P3H1: variants seen among roughly 807,000 people sequenced by gnomAD.
P3H1 encodes the protein growth suppressor 1.
A neutral mutation model predicts 84.0 loss-of-function variants in P3H1; 69 were observed. That is an observed-to-expected ratio of 0.82 (90% CI 0.68 to 1.00). P3H1 has a LOEUF of 1.00. P3H1 is among the 50% of genes least tolerant of loss of function. P3H1 has a pLI of 0.00. For missense variants in P3H1, 878 were observed against 962.8 expected, an observed-to-expected ratio of 0.91 and a Z score of 1.17; for synonymous variants, 366 against 388.8, an observed-to-expected ratio of 0.94 and a Z score of 0.69.
At chr1:42,758,708 C>T in intron 4 of P3H1, 144 bp downstream of exon 4, 1 of 1,007,036 alleles carries the variant, frequency 9.9e-7, no homozygotes, top group Non-Finnish European at 1.5e-6. Flanking sequence ...AACAAACTAC[C>T]CAGGGATCAC....
intron 8 of P3H1, among the ~76,000 whole-genome samples, chr1:42,753,592 A>C (rs1425264729): frequency 6.6e-6 from 1 of 152,164 alleles, no homozygotes; most frequent in Non-Finnish European, 1.5e-5. Context: ...AAGAAGTTCA[A>C]AAGAAAGGAG....
At chr1:42,747,156 C>G in intron 14 of P3H1, 116 bp downstream of exon 14, 1 of 1,614,216 alleles carries the variant, frequency 6.2e-7, no homozygotes, top group Non-Finnish European at 8.5e-7. Flanking sequence ...CCAAGTGCTC[C>G]TTTCGTGTCT....
Position 42,750,339 on chromosome 1 carries a change from G to A in P3H1, c.1570-3C>T. On this transcript the variant is annotated splice_polypyrimidine_tract_variant and splice_region_variant and intron_variant, in intron 10 of 14. Coordinates refer to ENST00000296388, the MANE Select transcript of P3H1 (RefSeq NM_022356.4). ...GGAACTTTGCCTTCTTGCCCCAGCTGCCAAGGAGACAGATGGTCAGCTGCC... is the reference window on the plus strand; with the variant it reads ...GGAACTTTGCCTTCTTGCCCCAGCTACCAAGGAGACAGATGGTCAGCTGCC... 1 of 1,614,030 alleles carries A rather than the reference G, an allele frequency of 6.2e-7. No homozygotes were observed. The highest frequency in any genetic ancestry group is 8.5e-7 in the Non-Finnish European group (1 of 1,179,994).
rs1332658235 is a variant in P3H1, at chr1:42,750,314, G to A, written c.1592C>T (p.Pro531Leu). ...ALKLGQEGKV[P>L]LQSAHLYYNV... The stretch of plus-strand genomic sequence containing the variant: ...GTAGTACAGGTGGGCACTCTGCAGA[G>A]GAACTTTGCCTTCTTGCCCCAGCTG... The change falls in exon 11 of 15, where the codon CCT (proline) becomes CTT (leucine). Residue 531 changes from proline to leucine, a missense_variant. Transcript: ENST00000296388. The A allele has an allele frequency of 1.9e-6, 3 of 1,614,084 alleles. No individual in the cohort carries two copies. In the South Asian group the frequency reaches 3.3e-5, roughly 18 times the overall value.
At chr1:42,750,720 C>T (rs1652010797) in intron 10 of P3H1, among the ~76,000 whole-genome samples, 2 of 122,282 alleles carry the variant, frequency 1.6e-5, no homozygotes, top group Admixed American at 7.7e-5. Context: ...CCCGGCCGGC[C>T]GCCCTGTCCG....
At chr1:42,764,910 C>G (rs964193382) in intron 1 of P3H1, among the ~76,000 whole-genome samples, 4 of 152,122 alleles carry the variant, frequency 2.6e-5, no homozygotes, top group Non-Finnish European at 5.9e-5. Flanking sequence ...TCCCTCATGT[C>G]CTCACTCCTC....
In P3H1 at chr1:42,754,433, G is replaced by A. The variant is rs1652274040; in HGVS notation, c.1345+436C>T. Among the ~76,000 whole-genome samples, 3 of 152,190 alleles carry A rather than the reference G, an allele frequency of 2.0e-5. No homozygotes were observed. The highest frequency in any genetic ancestry group is 2.4e-5 in the African/African-American group (1 of 41,444). On this transcript the variant is annotated intron_variant, in intron 8 of 14. Transcript: ENST00000296388. The surrounding 1 kb of genome is among the most constrained non-coding windows in gnomAD (Gnocchi z 4.0). The stretch of plus-strand genomic sequence containing the variant: ...GAATGGTGAAAACCGGGAGAAAACA[G>A]TTTGGGAGTGGGGAGACAGGATGAG...
rs959445981 is a variant in P3H1 at position 42,757,678 on chromosome 1, C to A, written c.1080+105G>T. 2.6e-6 allele frequency: 4 copies of A among 1,544,624 alleles called. No individual in the cohort carries two copies. The African/African-American group carries it at 4.1e-5, about 16-fold the overall frequency. ...ATCTGGCCCCAACACTGACATCTGG[C>A]CCCTGCCCTGCACGCACAGCGCCTA... On this transcript the variant is annotated intron_variant, in intron 5 of 14. Transcript: ENST00000296388.
rs76628300 is a variant in P3H1 at position 42,747,259 on chromosome 1, G to A, written c.2055+13C>T. 37 of 1,613,472 alleles carry A rather than the reference G, an allele frequency of 2.3e-5. No individual in the cohort carries two copies. The East Asian group carries it at 4.0e-4, about 17-fold the overall frequency. On this transcript the variant is annotated intron_variant, in intron 14 of 14. Coordinates refer to ENST00000296388, the MANE Select transcript of P3H1 (RefSeq NM_022356.4). ...CAGCACCAGCTGCTCTCACCCGCTC[G>A]AGCTGCTCTCACCCGCTCGCTGTGT...
At chr1:42,757,415 G>A (rs1170674469) in intron 5 of P3H1, among the ~76,000 whole-genome samples, 2 of 152,048 alleles carry the variant, frequency 1.3e-5, no homozygotes, top group Non-Finnish European at 2.9e-5. Context: ...GAAAACAGGT[G>A]AGCAGAAAAA....
intron 9 of P3H1, 56 bp from the exon 10 acceptor site, chr1:42,752,425 G>T: frequency 6.2e-7 from 1 of 1,609,428 alleles, no homozygotes; most frequent in Non-Finnish European, 8.5e-7. Context: ...GGCTTGAGAA[G>T]AGGTGGTCAA....
rs1652473250 is a variant in P3H1, at chr1:42,757,671, C to T, written c.1080+112G>A. 2.7e-6 allele frequency: 4 copies of T among 1,503,262 alleles called. No homozygotes were observed. In the South Asian group the frequency reaches 3.4e-5, roughly 13 times the overall value. 93.1% of individuals were successfully genotyped at this position (1,503,262 alleles called of 1,614,324 possible). On this transcript the variant is annotated intron_variant, in intron 5 of 14. Coordinates refer to ENST00000296388, the MANE Select transcript of P3H1 (RefSeq NM_022356.4). ...AACTCACATCTGGCCCCAACACTGA[C>T]ATCTGGCCCCTGCCCTGCACGCACA...
chr1:42,765,718 A>G (rs1652950555), intron 1 of P3H1, among the ~76,000 whole-genome samples: 1 of 152,186 alleles, frequency 6.6e-6, no homozygotes, highest in African/African-American at 2.4e-5. Context: ...GATATACCAG[A>G]TATAATGCAC....
At chr1:42,759,132 A>G in intron 3 of P3H1, 69 bp downstream of exon 3, 1 of 1,576,184 alleles carries the variant, frequency 6.3e-7, no homozygotes, top group South Asian at 1.1e-5. Flanking sequence ...GTCCCCATTT[A>G]TATTATCAGA....
At chr1:42,761,895 A>G (rs1277181959) in intron 2 of P3H1, 1 of 206,502 alleles carries the variant, frequency 4.8e-6, no homozygotes, top group Non-Finnish European at 9.8e-6. Flanking sequence ...CAAAAAAAAT[A>G]AAAAAGATGA....
chr1:42,750,199 G>T lies in P3H1; in HGVS notation c.1707C>A (p.Arg569=). 2 of 1,612,584 alleles carry T rather than the reference G, an allele frequency of 1.2e-6. No individual in the cohort carries two copies. Among genetic ancestry groups the T allele is most frequent in the Non-Finnish European group, 1.7e-6 (2 of 1,179,394 alleles). Residue 569 remains arginine (R), a synonymous_variant, in exon 11 of 15, where the codon CGC becomes CGA. Coordinates refer to ENST00000296388, the MANE Select transcript of P3H1 (RefSeq NM_022356.4). ...AATGAGGCCCACCTTCGATGGCAGT[G>T]CGGCACACCAGATGAGAGTAGGAAA... ...LYFSYSHLVC[R]TAIEEVQAER... is the part of the protein sequence containing the mutation.
Position 42,748,304 on chromosome 1 carries a change from C to T in P3H1, c.1734G>A (p.Glu578=). Reference sequence around the variant, plus strand: ...GGACTGGATGACTATCATCCTTCCTCTCTGCCTGGACCTCTGGGGCCAATG... The same window carrying T: ...GGACTGGATGACTATCATCCTTCCTTTCTGCCTGGACCTCTGGGGCCAATG... ...CRTAIEEVQA[E]RKDDSHPVHV... Residue 578 remains glutamate (E), a synonymous_variant, in exon 12 of 15, where the codon GAG becomes GAA. Coordinates refer to ENST00000296388, the MANE Select transcript of P3H1 (RefSeq NM_022356.4). 6.2e-7 allele frequency: 1 copy of T among 1,613,614 alleles called. No homozygotes were observed. Among genetic ancestry groups the T allele is most frequent in the Non-Finnish European group, 8.5e-7 (1 of 1,179,690 alleles).
rs369611931 is a variant in P3H1 at position 42,748,333 on chromosome 1, C to T, written c.1721-16G>A. The stretch of plus-strand genomic sequence containing the variant: ...GCCTGGACCTCTGGGGCCAATGTCA[C>T]ACATGTTAGCAAGGGAGCACCTCGG... On this transcript the variant is annotated splice_polypyrimidine_tract_variant and intron_variant, in intron 11 of 14. Coordinates refer to ENST00000296388, the MANE Select transcript of P3H1 (RefSeq NM_022356.4). 4 of 1,585,950 alleles carry T rather than the reference C, an allele frequency of 2.5e-6. No homozygotes were observed. The African/African-American group carries it at 5.4e-5, about 21-fold the overall frequency.
At chr1:42,761,607 T>C (rs1292157847) in intron 2 of P3H1, 2 of 152,212 alleles carry the variant, frequency 1.3e-5, no homozygotes, top group African/African-American at 4.8e-5. Flanking sequence ...ATGATGGGGC[T>C]GGCCATGGTG....
Sources: allele counts gnomAD v4.1 joint callset (sites outside exome capture counted in the v4.1 genomes callset), GRCh38; gene constraint gnomAD v4.1.1; non-coding constraint Gnocchi (gnomAD v3.1); transcripts MANE v1.5; gene names NCBI Gene and HGNC (gene_info 2026-07-23, HGNC 2026-07-21).